Variants in RPRD1B observed in about 807,000 individuals in gnomAD.
RPRD1B encodes regulation of nuclear pre-mRNA domain containing 1B.
A neutral mutation model predicts 41.5 loss-of-function variants in RPRD1B; 11 were observed. The observed-to-expected ratio is 0.27, with a 90% confidence interval of 0.17 to 0.44. The LOEUF is 0.44. Ranked by LOEUF, RPRD1B falls within the 20% of genes least tolerant of loss-of-function variation. The pLI, the probability that RPRD1B is intolerant of heterozygous loss-of-function variation, is 1.00. For synonymous variants in RPRD1B, 158 were observed against 155.6 expected (o/e 1.02, Z -0.12); for missense variants, 248 against 389.9 (o/e 0.64, Z 3.06).
At position 38,058,614 on chromosome 20, in the gene RPRD1B, A is replaced by G. The variant is rs545884599; in HGVS notation, c.529-780A>G. Among the ~76,000 whole-genome samples, 29 of 152,316 alleles carry G rather than the reference A, an allele frequency of 1.9e-4. No homozygotes were observed. The South Asian group carries it at 2.1e-3, about 11-fold the overall frequency. On this transcript the variant is annotated intron_variant, in intron 4 of 6. Transcript: ENST00000373433. ...CTTGTTTTTTCCCCCTGGGTTTATA[A>G]TAAGTTTGATACATTTAATTTTGGG...
At chr20:38,051,329 A>G (rs143068768) in intron 3 of RPRD1B, among the ~76,000 whole-genome samples, 68 of 152,320 alleles carry the variant, frequency 4.5e-4, no homozygotes, top group African/African-American at 1.5e-3. Context: ...GAACTTTTTT[A>G]TTTGAGCCAC....
intron 6 of RPRD1B, among the ~76,000 whole-genome samples, chr20:38,074,978 A>T (rs539751739): frequency 1.3e-5 from 2 of 152,368 alleles, no homozygotes; most frequent in East Asian, 3.9e-4. Context: ...TAAAAACTTT[A>T]TAAACATTGT....
intron 6 of RPRD1B, among the ~76,000 whole-genome samples, chr20:38,089,459 A>T (rs1013413580): frequency 2.0e-5 from 3 of 152,132 alleles, no homozygotes; most frequent in Non-Finnish European, 1.5e-5. Context: ...ACCAAGTGTT[A>T]TTTCTTTCTA....
Position 38,033,812 on chromosome 20 carries a change from T to G in RPRD1B, c.-136T>G. Reference sequence around the variant, plus strand: ...CTGCGGAGACCCATCCCCTCCCCCTTCTCGCACCCCTGGCAGTCTGTCAGT... The same window carrying G: ...CTGCGGAGACCCATCCCCTCCCCCTGCTCGCACCCCTGGCAGTCTGTCAGT... On this transcript the variant is annotated 5_prime_UTR_variant, in exon 1 of 7. Transcript: ENST00000373433. 1 of 864,084 alleles carries G rather than the reference T, an allele frequency of 1.2e-6. No homozygotes were observed. 53.5% of individuals were successfully genotyped at this position (864,084 alleles called of 1,614,324 possible). A position where few individuals can be genotyped will look rare whatever the true frequency, so the allele number is the denominator to read the frequency against.
chr20:38,051,285 C>T (rs1294689525), intron 3 of RPRD1B, among the ~76,000 whole-genome samples: 1 of 152,160 alleles, frequency 6.6e-6, no homozygotes, highest in African/African-American at 2.4e-5. Flanking sequence ...GTTCTCTACT[C>T]TTGAGAATAC....
chr20:38,067,152 C>G lies in RPRD1B; in HGVS notation c.831+896C>G, dbSNP rs533400129. Reference sequence around the variant, plus strand: ...TGGGGAGGGAGTTCAGAAACATTTCCTCACCATACACTTGTTTGGCTTCGT... The same window carrying G: ...TGGGGAGGGAGTTCAGAAACATTTCGTCACCATACACTTGTTTGGCTTCGT... On this transcript the variant is annotated intron_variant, in intron 6 of 6. Coordinates refer to ENST00000373433, the MANE Select transcript of RPRD1B (RefSeq NM_021215.4). Among the ~76,000 whole-genome samples, 4 of 152,312 alleles carry G rather than the reference C, an allele frequency of 2.6e-5. No homozygotes were observed. The East Asian group carries it at 7.7e-4, about 29-fold the overall frequency.
chr20:38,080,696 T>G (rs769288013), intron 6 of RPRD1B, among the ~76,000 whole-genome samples: 32 of 152,152 alleles, frequency 2.1e-4, no homozygotes, highest in Non-Finnish European at 4.6e-4. Context: ...TGGCTTATTT[T>G]GTATTTTTAG....
chr20:38,077,163 C>T (rs1435587759), intron 6 of RPRD1B, among the ~76,000 whole-genome samples: 1 of 151,920 alleles, frequency 6.6e-6, no homozygotes, highest in Non-Finnish European at 1.5e-5. Context: ...GGAGATCCAC[C>T]CGCCTCAGCC....
chr20:38,064,765 T>G (rs1182058320), intron 5 of RPRD1B, among the ~76,000 whole-genome samples: 2 of 152,126 alleles, frequency 1.3e-5, no homozygotes, highest in South Asian at 4.2e-4. Flanking sequence ...TGACCAACAG[T>G]TTTTGAAAAA....
chr20:38,086,826 T>C (rs1321802629), intron 6 of RPRD1B, among the ~76,000 whole-genome samples: 4 of 152,226 alleles, frequency 2.6e-5, no homozygotes. Flanking sequence ...ACATTTCTTT[T>C]TAGTTAAATG....
chr20:38,074,504 G>A (rs1600431635), intron 6 of RPRD1B, among the ~76,000 whole-genome samples: 1 of 152,186 alleles, frequency 6.6e-6, no homozygotes, highest in Non-Finnish European at 1.5e-5. Context: ...CGGTTTTAAG[G>A]CTTTCCCAGC....
intron 2 of RPRD1B, among the ~76,000 whole-genome samples, chr20:38,042,018 C>CA (rs1906209112): frequency 1.4e-5 from 2 of 139,616 alleles, no homozygotes; most frequent in Admixed American, 1.4e-4. Flanking sequence ...TCTGCCCTGA[C>CA]ACAGTAGGCG....
At position 38,089,986 on chromosome 20, in the gene RPRD1B, C is replaced by T. The variant is rs150579355; in HGVS notation, c.*111C>T. Reference sequence around the variant, plus strand: ...TTCTATCCCTTCTTCCGCCCAGCCCCCCAGCCTCAAGAAAGAACCTCAGAC... The same window carrying T: ...TTCTATCCCTTCTTCCGCCCAGCCCTCCAGCCTCAAGAAAGAACCTCAGAC... On this transcript the variant is annotated 3_prime_UTR_variant, in exon 7 of 7. Transcript: ENST00000373433. The T allele has an allele frequency of 4.2e-4, 631 of 1,488,660 alleles. 2 individuals are homozygous for T. In the African/African-American group the frequency reaches 7.8e-3, roughly 19 times the overall value. The allele number at this position is 1,488,660 out of a possible 1,614,324, so 92.2% of individuals were successfully genotyped here.
chr20:38,043,126 G>A (rs1459603305), intron 2 of RPRD1B, among the ~76,000 whole-genome samples: 1 of 152,216 alleles, frequency 6.6e-6, no homozygotes, highest in East Asian at 1.9e-4. Context: ...GATACTTTCA[G>A]AGCAGGACAA....
intron 4 of RPRD1B, among the ~76,000 whole-genome samples, chr20:38,058,024 A>G (rs985755319): frequency 1.3e-5 from 2 of 152,236 alleles, no homozygotes; most frequent in African/African-American, 2.4e-5. Context: ...ATTAATATCT[A>G]AAGACAGTCT....
intron 5 of RPRD1B, among the ~76,000 whole-genome samples, chr20:38,065,136 T>A (rs1206564309): frequency 6.6e-6 from 1 of 152,230 alleles, no homozygotes; most frequent in African/African-American, 2.4e-5. Context: ...CTCTTTCTTA[T>A]CAGACTTTAC....
chr20:38,083,074 C>T (rs1568663014), intron 6 of RPRD1B, among the ~76,000 whole-genome samples: 1 of 152,082 alleles, frequency 6.6e-6, no homozygotes, highest in African/African-American at 2.4e-5. Flanking sequence ...AATGAGAAAC[C>T]TTTGTCTGTA....
Position 38,055,316 on chromosome 20 carries a change from G to T in RPRD1B, c.416-2216G>T, listed in dbSNP as rs141229255. On this transcript the variant is annotated intron_variant, in intron 3 of 6. Transcript: ENST00000373433. ...GGTTGCCTTCTTCTGGTATAATTTA[G>T]ATACATATCAGAGCAAACATCTTTT... Among the ~76,000 whole-genome samples the T allele has an allele frequency of 7.1e-3, 1,080 of 152,282 alleles. 5 individuals are homozygous for T. Among genetic ancestry groups the T allele is most frequent in the African/African-American group, 0.021 (865 of 41,566 alleles).
At chr20:38,065,981 T>C in intron 5 of RPRD1B, 100 bp from the exon 6 acceptor site, 2 of 1,169,186 alleles carry the variant, frequency 1.7e-6, no homozygotes, top group Non-Finnish European at 2.5e-6. Flanking sequence ...TCAGACTCTG[T>C]ATATTGGGAG....
Sources: gnomAD v4.1 joint callset for allele counts (sites outside exome capture counted in the v4.1 genomes callset) on GRCh38, gnomAD v4.1.1 for gene constraint, MANE v1.5 for transcripts, NCBI Gene and HGNC (gene_info 2026-07-23, HGNC 2026-07-21) for gene names.